Variants in WDR45B observed in about 807,000 individuals in gnomAD.
WDR45B encodes WD repeat domain phosphoinositide-interacting protein 3.
A neutral mutation model predicts 44.6 loss-of-function variants in WDR45B; 20 were observed. The ratio of observed to expected loss-of-function variants is 0.45; its 90% CI spans 0.32 to 0.65. WDR45B has a LOEUF of 0.65. Among genes scored for constraint, WDR45B ranks in the 30% least tolerant of loss-of-function variants. The probability of loss-of-function intolerance (pLI) is 0.05; values close to 1 mark genes in which losing one functional copy is unlikely to be tolerated. For missense variants in WDR45B, 323 were observed against 430.2 expected (o/e 0.75, Z 2.20); for synonymous variants, 169 against 164.9 (o/e 1.02, Z -0.19).
At chr17:82,629,412 ACCTCCGCTGTCCCTTCTGGGTGGGCT>A in intron 3 of WDR45B, 1 of 752,694 alleles carries the variant, frequency 1.3e-6, no homozygotes, top group South Asian at 6.0e-5. Flanking sequence ...TCTCTGTGGA[ACCTCCGCTGTCCCTTCTGGGTGGGCT>A]CCTCCAGAGG....
intron 2 of WDR45B, among the ~76,000 whole-genome samples, chr17:82,632,717 C>T (rs1340272827): frequency 1.3e-5 from 2 of 151,990 alleles, no homozygotes; most frequent in Non-Finnish European, 2.9e-5. Context: ...TTCCTCAGCT[C>T]GATCTTCGAG....
At position 82,615,602 on chromosome 17, in the gene WDR45B, G is replaced by C. The variant is rs994389447; in HGVS notation, c.*317C>G. On this transcript the variant is annotated 3_prime_UTR_variant, in exon 10 of 10. Transcript: ENST00000392325. Reference sequence around the variant, plus strand: ...CCCTCTCAGCCCAGTCCCCAGGTCCGTATGGAGCCCCCGTCAGTGTGAGGA... The same window carrying C: ...CCCTCTCAGCCCAGTCCCCAGGTCCCTATGGAGCCCCCGTCAGTGTGAGGA... The C allele has an allele frequency of 4.7e-6, 2 of 427,996 alleles. No individual in the cohort carries two copies. Among genetic ancestry groups the C allele is most frequent in the Non-Finnish European group, 8.8e-6 (2 of 227,972 alleles). The allele number at this position is 427,996 out of a possible 1,614,324, so 26.5% of individuals were successfully genotyped here. A position where few individuals can be genotyped will look rare whatever the true frequency, so the allele number is the denominator to read the frequency against.
chr17:82,627,354 G>T (rs1049874758), intron 3 of WDR45B, 63 bp from the exon 4 acceptor site: 2 of 1,374,204 alleles, frequency 1.5e-6, no homozygotes, highest in African/African-American at 1.4e-5. Context: ...GGGATGCAGC[G>T]ATGCCAGCTT....
At chr17:82,646,216 C>T (rs1396937123) in intron 1 of WDR45B, among the ~76,000 whole-genome samples, 1 of 151,504 alleles carries the variant, frequency 6.6e-6, no homozygotes, top group Admixed American at 6.6e-5. Flanking sequence ...AACAGCCTGG[C>T]GCCGTGGCTC....
At chr17:82,647,593 C>T (rs150985822) in intron 1 of WDR45B, among the ~76,000 whole-genome samples, 20 of 152,272 alleles carry the variant, frequency 1.3e-4, no homozygotes, top group East Asian at 7.8e-4. Flanking sequence ...TAAGATTTCC[C>T]TCAAAGGCCT....
At chr17:82,627,458 CT>C (rs2045713402) in intron 3 of WDR45B, among the ~76,000 whole-genome samples, 167 bp from the exon 4 acceptor site, 1 of 152,238 alleles carries the variant, frequency 6.6e-6, no homozygotes, top group Non-Finnish European at 1.5e-5. Context: ...TGGGGTGTAA[CT>C]CAAACCGTGA....
chr17:82,639,123 G>C (rs999169361), intron 2 of WDR45B, among the ~76,000 whole-genome samples: 1 of 151,944 alleles, frequency 6.6e-6, no homozygotes, highest in Non-Finnish European at 1.5e-5. Context: ...GCCTGGCCAC[G>C]TATGTTCTAA....
At position 82,616,533 on chromosome 17, in the gene WDR45B, C is replaced by T. The variant is rs753663465; in HGVS notation, c.919G>A (p.Ala307Thr). ...CICAFGTEPN[A>T]VIAICADGSY... ...AGGAAGGACCACTCACCAATGACGG[C>T]GTTTGGCTCTGTTCCAAAGGCACAA... Residue 307 changes from alanine (A) to threonine (T), a missense_variant, in exon 9 of 10, where the codon GCC becomes ACC. By Grantham distance (58) the Ala-to-Thr change is moderately conservative. Coordinates refer to ENST00000392325, the MANE Select transcript of WDR45B (RefSeq NM_019613.4). 8 of 1,614,132 alleles carry T rather than the reference C, an allele frequency of 5.0e-6. No individual in the cohort carries two copies. The highest frequency in any genetic ancestry group is 1.7e-4 in the Middle Eastern group (1 of 6,036).
chr17:82,634,403 G>A lies in WDR45B; in HGVS notation c.143-3381C>T, dbSNP rs547282427. On this transcript the variant is annotated intron_variant, in intron 2 of 9. Transcript: ENST00000392325. Reference sequence around the variant, plus strand: ...CTCGGGAGGCTGAGGCAGGAGAACTGCTTGAACCCGGGAGGCGGAGGCTGC... The same window carrying A: ...CTCGGGAGGCTGAGGCAGGAGAACTACTTGAACCCGGGAGGCGGAGGCTGC... 3.4e-4 allele frequency among the ~76,000 whole-genome samples: 51 copies of A among 152,048 alleles called. 1 individual carries two copies. In the South Asian group the frequency reaches 0.01, roughly 31 times the overall value.
chr17:82,640,092 G>A (rs1327464895), intron 2 of WDR45B, among the ~76,000 whole-genome samples: 2 of 151,248 alleles, frequency 1.3e-5, no homozygotes, highest in Non-Finnish European at 3.0e-5. Context: ...GAAGGAGCAG[G>A]GATCCCCAAG....
chr17:82,643,917 G>A (rs1307533992), intron 2 of WDR45B, 32 bp downstream of exon 2: 5 of 1,607,940 alleles, frequency 3.1e-6, no homozygotes, highest in South Asian at 1.1e-5. Flanking sequence ...TTGGAAAGGG[G>A]AGAAACCAGA....
rs2045950233 is a variant in WDR45B at position 82,644,192 on chromosome 17, A to G, written c.68-169T>C. 4.3e-6 allele frequency: 3 copies of G among 698,892 alleles called. No individual in the cohort carries two copies. The South Asian group carries it at 4.7e-5, about 11-fold the overall frequency. 43.3% of individuals were successfully genotyped at this position (698,892 alleles called of 1,614,324 possible). A position where few individuals can be genotyped will look rare whatever the true frequency, so the allele number is the denominator to read the frequency against. ...CCTTGTACAAATGTTACTAAGTGACAAGCACATCCATGCAGGGCATTTTGT... is the reference window on the plus strand; with the variant it reads ...CCTTGTACAAATGTTACTAAGTGACGAGCACATCCATGCAGGGCATTTTGT... On this transcript the variant is annotated intron_variant, in intron 1 of 9. Transcript: ENST00000392325.
intron 7 of WDR45B, among the ~76,000 whole-genome samples, chr17:82,618,800 A>T (rs1305525502): frequency 6.6e-6 from 1 of 152,188 alleles, no homozygotes; most frequent in Non-Finnish European, 1.5e-5. Context: ...AATACTAATA[A>T]ATGCTGAAGC....
At chr17:82,640,504 C>T (rs1438051511) in intron 2 of WDR45B, among the ~76,000 whole-genome samples, 1 of 152,064 alleles carries the variant, frequency 6.6e-6, no homozygotes, top group Non-Finnish European at 1.5e-5. Flanking sequence ...GCACGCACCA[C>T]CAGGTCCAGC....
At chr17:82,629,189 C>A (rs2045737266) in intron 3 of WDR45B, among the ~76,000 whole-genome samples, 1 of 152,164 alleles carries the variant, frequency 6.6e-6, no homozygotes, top group Non-Finnish European at 1.5e-5. Flanking sequence ...CAAATGGCTC[C>A]CTTGTTAGCA....
intron 9 of WDR45B, 117 bp downstream of exon 9, chr17:82,616,407 C>T (rs1426920422): frequency 9.3e-6 from 14 of 1,509,946 alleles, no homozygotes; most frequent in East Asian, 4.5e-5. Context: ...GGGAACTGGG[C>T]GGCCATCGGT....
chr17:82,638,778 A>C (rs1439122454), intron 2 of WDR45B, among the ~76,000 whole-genome samples: 1 of 152,114 alleles, frequency 6.6e-6, no homozygotes, highest in Non-Finnish European at 1.5e-5. Context: ...CATTTCTATA[A>C]AACAACACAG....
rs952873992 is a variant in WDR45B at position 82,615,331 on chromosome 17, A to G, written c.*588T>C. 1.8e-5 allele frequency: 3 copies of G among 162,466 alleles called. No homozygotes were observed. The highest frequency in any genetic ancestry group is 1.7e-4 in the East Asian group (1 of 5,732). 10.1% of individuals were successfully genotyped at this position (162,466 alleles called of 1,614,324 possible). A position where few individuals can be genotyped will look rare whatever the true frequency, so the allele number is the denominator to read the frequency against. Reference sequence around the variant, plus strand: ...GATGACCACGTTGCGGGTACGGAGAAGACCACAGGCTGGGCTCACACGAGG... The same window carrying G: ...GATGACCACGTTGCGGGTACGGAGAGGACCACAGGCTGGGCTCACACGAGG... On this transcript the variant is annotated 3_prime_UTR_variant, in exon 10 of 10. Coordinates refer to ENST00000392325, the MANE Select transcript of WDR45B (RefSeq NM_019613.4).
At chr17:82,619,253 T>A (rs79421221) in intron 6 of WDR45B, 125 bp from the exon 7 acceptor site, 3 of 538,834 alleles carry the variant, frequency 5.6e-6, no homozygotes, top group Non-Finnish European at 9.2e-6. Flanking sequence ...CCACATCATC[T>A]ACTACTTAAC....
Sources: gnomAD v4.1 joint callset for allele counts (sites outside exome capture counted in the v4.1 genomes callset) on GRCh38, gnomAD v4.1.1 for gene constraint, MANE v1.5 for transcripts, NCBI Gene and HGNC (gene_info 2026-07-23, HGNC 2026-07-21) for gene names.